RACGAP1: variants seen among roughly 807,000 people sequenced by gnomAD.
The protein encoded by RACGAP1 is rac GTPase-activating protein 1.
In RACGAP1, 30 loss-of-function variants were observed where a neutral mutation model predicts 78.1. The ratio of observed to expected loss-of-function variants is 0.38; its 90% CI spans 0.29 to 0.52. The LOEUF is 0.52. Among genes scored for constraint, RACGAP1 ranks in the 20% least tolerant of loss-of-function variants. The pLI is 0.82. For synonymous variants in RACGAP1, 231 were observed against 264.8 expected (o/e 0.87, Z 1.24); for missense variants, 587 against 777.1 (o/e 0.76, Z 2.91).
chr12:50,025,981 A>G (rs540353857), upstream of RACGAP1, among the ~76,000 whole-genome samples: 51 of 152,382 alleles, frequency 3.3e-4, no homozygotes, highest in Middle Eastern at 3.4e-3. Flanking sequence ...AATCGGAAAA[A>G]TAAAGATGGT....
upstream of RACGAP1, among the ~76,000 whole-genome samples, chr12:50,029,998 C>A (rs1000580857): frequency 6.6e-6 from 1 of 152,168 alleles, no homozygotes; most frequent in Non-Finnish European, 1.5e-5. Context: ...GCCAGACAAG[C>A]TGTGGCTCAT....
intron 4 of RACGAP1, 111 bp downstream of exon 4, chr12:50,005,142 TCTG>T (rs1447652649): frequency 6.7e-7 from 1 of 1,493,498 alleles, no homozygotes; most frequent in Non-Finnish European, 9.0e-7. Flanking sequence ...AAAATCTTTT[TCTG>T]CTTTTTTCAG....
intron 2 of RACGAP1, among the ~76,000 whole-genome samples, chr12:50,016,157 G>A (rs1034692786): frequency 1.3e-5 from 2 of 152,196 alleles, no homozygotes; most frequent in Non-Finnish European, 2.9e-5. Flanking sequence ...CGAGGCGGGC[G>A]GATCACCTGA....
At chr12:50,016,998 G>A in intron 1 of RACGAP1, 1 of 1,171,300 alleles carries the variant, frequency 8.5e-7, no homozygotes, top group Non-Finnish European at 1.1e-6. Context: ...GAAAGAGCAT[G>A]TCAGTTCATT....
In RACGAP1 at chr12:49,995,772, G is replaced by T. The variant is rs1022317800; in HGVS notation, c.1045-1263C>A. Among the ~76,000 whole-genome samples, 11 of 152,214 alleles carry T rather than the reference G, an allele frequency of 7.2e-5. No homozygotes were observed. In the East Asian group the frequency reaches 9.6e-4, roughly 13 times the overall value. ...AGCCTCCCAAAGTGCTGGGATTACAGGCATGAGCTACCACACTCAGCAATA... is the reference window on the plus strand; with the variant it reads ...AGCCTCCCAAAGTGCTGGGATTACATGCATGAGCTACCACACTCAGCAATA... On this transcript the variant is annotated intron_variant, in intron 10 of 16. Coordinates refer to ENST00000312377, the MANE Select transcript of RACGAP1 (RefSeq NM_001319999.2).
intron 2 of RACGAP1, among the ~76,000 whole-genome samples, chr12:50,010,697 C>T (rs1280760662): frequency 6.6e-6 from 1 of 151,836 alleles, no homozygotes; most frequent in African/African-American, 2.4e-5. Context: ...CTTTGGGAGG[C>T]CAGGACAGGT....
chr12:50,001,773 G>C (rs1185379538), intron 6 of RACGAP1, among the ~76,000 whole-genome samples: 2 of 152,166 alleles, frequency 1.3e-5, no homozygotes, highest in Admixed American at 1.3e-4. Flanking sequence ...ACTTCAAAGA[G>C]TACCAGTACT....
At chr12:50,021,200 CAA>C (rs1461761970) in intron 1 of RACGAP1, 3 of 847,858 alleles carry the variant, frequency 3.5e-6, no homozygotes, top group Non-Finnish European at 4.3e-6. Flanking sequence ...GAAACAAAAA[CAA>C]AGTCATATTG....
chr12:50,012,881 T>C (rs1477291042), intron 2 of RACGAP1, among the ~76,000 whole-genome samples: 1 of 150,548 alleles, frequency 6.6e-6, no homozygotes, highest in African/African-American at 2.5e-5. Flanking sequence ...CTGACCAACA[T>C]GGAGAAACCC....
At chr12:50,020,071 A>T (rs11169256) in intron 1 of RACGAP1, among the ~76,000 whole-genome samples, 23,267 of 152,250 alleles carry the variant, frequency 0.15, 2,874 homozygotes, top group African/African-American at 0.34. Flanking sequence ...GACCATTTTT[A>T]AAAATAATAC....
chr12:50,005,492 A>T, intron 3 of RACGAP1, 100 bp from the exon 4 acceptor site: 1 of 1,375,718 alleles, frequency 7.3e-7, no homozygotes, highest in Non-Finnish European at 9.9e-7. Flanking sequence ...AAAATGCAGC[A>T]TTATGCAAAT....
At chr12:50,015,618 A>G (rs1027930748) in intron 2 of RACGAP1, among the ~76,000 whole-genome samples, 6 of 151,926 alleles carry the variant, frequency 3.9e-5, no homozygotes, top group Admixed American at 2.6e-4. Context: ...TGGCTAACAC[A>G]GCGAAACCCC....
At chr12:50,002,134 GTGCTTAACAA>G in intron 6 of RACGAP1, 103 bp downstream of exon 6, 1 of 650,514 alleles carries the variant, frequency 1.5e-6, no homozygotes, top group Admixed American at 2.5e-5. Context: ...TCTGTAGTAT[GTGCTTAACAA>G]TGGCTAGAGC....
chr12:49,998,236 C>G (rs1352589768), intron 9 of RACGAP1, among the ~76,000 whole-genome samples: 1 of 151,872 alleles, frequency 6.6e-6, no homozygotes, highest in African/African-American at 2.4e-5. Flanking sequence ...AACCCCATCT[C>G]TACTAAAAGT....
intron 9 of RACGAP1, 61 bp from the exon 10 acceptor site, chr12:49,997,265 C>G: frequency 1.6e-6 from 2 of 1,248,588 alleles, no homozygotes; most frequent in Non-Finnish European, 2.1e-6. Context: ...TCATCATAAT[C>G]AACTAACTTT....
At chr12:50,032,101 G>A (rs1950341027) in intron 1 of RACGAP1, among the ~76,000 whole-genome samples, 1 of 152,112 alleles carries the variant, frequency 6.6e-6, no homozygotes, top group African/African-American at 2.4e-5. Context: ...AGCCAAGATT[G>A]TGTCACAGCA....
intron 1 of RACGAP1, chr12:50,018,542 G>C: frequency 7.8e-7 from 1 of 1,288,754 alleles, no homozygotes; most frequent in Admixed American, 2.3e-5. Context: ...CAGAAACAGG[G>C]GCAGGACATT....
chr12:50,025,036 G>A (rs1950211482), intron 1 of RACGAP1, among the ~76,000 whole-genome samples: 2 of 151,640 alleles, frequency 1.3e-5, no homozygotes, highest in South Asian at 4.2e-4. Flanking sequence ...CAAACACCAG[G>A]GCTCTTCCCT....
chr12:50,025,558 G>A (rs918849081), upstream of RACGAP1: 18 of 984,164 alleles, frequency 1.8e-5, no homozygotes, highest in South Asian at 4.7e-5. Context: ...TGTGACGTAC[G>A]CGTCAGGGCC....
Sources: gnomAD v4.1 joint callset for allele counts (sites outside exome capture counted in the v4.1 genomes callset) on GRCh38, gnomAD v4.1.1 for gene constraint, MANE v1.5 for transcripts, NCBI Gene and HGNC (gene_info 2026-07-23, HGNC 2026-07-21) for gene names.